The following RHBDD1 variants were observed in gnomAD, a reference collection of about 807,000 sequenced individuals.
RHBDD1 encodes rhomboid domain containing 1, also known as rhomboid-related protein 4.
Under a neutral mutation model 36.3 loss-of-function variants are expected in RHBDD1, and 38 were observed. The ratio of observed to expected loss-of-function variants is 1.05; its 90% confidence interval spans 0.81 to 1.37. RHBDD1 has a LOEUF of 1.37. Ranked by LOEUF, RHBDD1 falls within the 40% of genes most tolerant of loss-of-function variation. RHBDD1 has a pLI of 0.00. For synonymous variants in RHBDD1, 151 were observed against 136.5 expected (o/e 1.11, Z -0.74); for missense variants, 393 against 377.6 (o/e 1.04, Z -0.34).
At chr2:226,841,453 C>T (rs1941626322) in intron 3 of RHBDD1, among the ~76,000 whole-genome samples, 1 of 152,182 alleles carries the variant, frequency 6.6e-6, no homozygotes, top group Non-Finnish European at 1.5e-5. Flanking sequence ...TCCTCCCTGC[C>T]TACCACACCT....
chr2:226,835,900 C>A (rs1574708195), upstream of RHBDD1: 1 of 152,462 alleles, frequency 6.6e-6, no homozygotes. Flanking sequence ...CCACTGCCGG[C>A]GCACGCGGTC....
intron 8 of RHBDD1, among the ~76,000 whole-genome samples, chr2:226,924,603 C>G (rs1949548727): frequency 6.6e-6 from 1 of 152,168 alleles, no homozygotes; most frequent in Non-Finnish European, 1.5e-5. Context: ...AATTGCAGTT[C>G]TTGTGACTCA....
intron 5 of RHBDD1, among the ~76,000 whole-genome samples, chr2:226,877,211 T>C (rs1232155498): frequency 1.3e-5 from 2 of 152,254 alleles, no homozygotes; most frequent in Admixed American, 6.5e-5. Context: ...CATTAAAATC[T>C]GTTGATCTGT....
chr2:226,953,061 T>G (rs1028966811), intron 8 of RHBDD1, among the ~76,000 whole-genome samples: 1 of 152,214 alleles, frequency 6.6e-6, no homozygotes, highest in Non-Finnish European at 1.5e-5. Flanking sequence ...ATTGATGCAA[T>G]TAAGAAAATG....
chr2:226,934,863 CTT>C (rs59301546), intron 8 of RHBDD1, among the ~76,000 whole-genome samples: 2 of 148,900 alleles, frequency 1.3e-5, no homozygotes, highest in Non-Finnish European at 1.5e-5. Context: ...TTTTTCTTTT[CTT>C]TTTTTTTTTA....
chr2:226,814,251 C>T, the RHBDD1 span, among the ~76,000 whole-genome samples: 3 of 151,998 alleles, frequency 2.0e-5, no homozygotes, highest in South Asian at 2.1e-4. Context: ...ACACAACAGT[C>T]TTTCCAAGAA....
At chr2:226,898,451 A>G (rs941146765) in intron 5 of RHBDD1, among the ~76,000 whole-genome samples, 1 of 152,282 alleles carries the variant, frequency 6.6e-6, no homozygotes, top group Admixed American at 6.5e-5. Context: ...ATAAATCATC[A>G]TGGATTGTAG....
In RHBDD1 at chr2:226,908,829, T is replaced by G. The variant is rs752033284; in HGVS notation, c.663T>G (p.Phe221Leu). The G allele has an allele frequency of 1.2e-6, 2 of 1,606,030 alleles. No homozygotes were observed. Among genetic ancestry groups the G allele is most frequent in the Non-Finnish European group, 1.7e-6 (2 of 1,172,704 alleles). The change falls in exon 7 of 9, where the codon TTT becomes TTG. Residue 221 changes from phenylalanine (F) to leucine (L), a missense_variant. Coordinates refer to ENST00000392062, the MANE Select transcript of RHBDD1 (RefSeq NM_001167608.3). ...TATTTCTTTTACGTTTAGGCGGTTT[T>G]TCCTCCAGTGTTGGTTACCCAGGAC... ...KKIMEACAGG[F>L]SSSVGYPGRQ...
intron 1 of RHBDD1, among the ~76,000 whole-genome samples, chr2:226,836,668 C>T (rs1032862178): frequency 1.3e-5 from 2 of 152,208 alleles, no homozygotes; most frequent in African/African-American, 4.8e-5. Context: ...CTTTTGAAGA[C>T]TCAGCGTTAC....
intron 8 of RHBDD1, among the ~76,000 whole-genome samples, chr2:226,948,340 T>A (rs1486387368): frequency 1.4e-5 from 2 of 145,876 alleles, no homozygotes; most frequent in Non-Finnish European, 3.0e-5. Flanking sequence ...CACCGCATAT[T>A]CTCACTCATA....
intron 8 of RHBDD1, among the ~76,000 whole-genome samples, chr2:226,960,099 A>G (rs1458792248): frequency 6.6e-6 from 1 of 152,194 alleles, no homozygotes; most frequent in African/African-American, 2.4e-5. Flanking sequence ...CTGGGATTAC[A>G]GGCATGAGCC....
intron 8 of RHBDD1, among the ~76,000 whole-genome samples, chr2:226,937,174 T>C (rs1251873174): frequency 6.6e-6 from 1 of 152,160 alleles, no homozygotes; most frequent in East Asian, 1.9e-4. Context: ...CAAACTCTTG[T>C]GATTTTTATA....
At chr2:226,887,360 G>A (rs1946313248) in intron 5 of RHBDD1, among the ~76,000 whole-genome samples, 4 of 152,168 alleles carry the variant, frequency 2.6e-5, no homozygotes, top group South Asian at 2.1e-4. Flanking sequence ...CTTACCCAGA[G>A]AACATTCAAT....
At chr2:226,966,953 A>T (rs1952684020) in intron 8 of RHBDD1, among the ~76,000 whole-genome samples, 1 of 152,002 alleles carries the variant, frequency 6.6e-6, no homozygotes, top group Admixed American at 6.6e-5. Flanking sequence ...GTGTTTTAAT[A>T]AGCTCTGCAG....
chr2:226,873,672 C>T (rs1164092457), intron 5 of RHBDD1, among the ~76,000 whole-genome samples: 1 of 152,056 alleles, frequency 6.6e-6, no homozygotes, highest in Non-Finnish European at 1.5e-5. Context: ...GAGGTTTTGT[C>T]AAGTTTGAAA....
At chr2:226,867,096 T>C in intron 4 of RHBDD1, 90 bp from the exon 5 acceptor site, 1 of 1,280,712 alleles carries the variant, frequency 7.8e-7, no homozygotes, top group Non-Finnish European at 1.1e-6. Flanking sequence ...AATCGAATAA[T>C]CATTTTCACT....
At chr2:226,965,374 G>C (rs1283825304) in intron 8 of RHBDD1, among the ~76,000 whole-genome samples, 1 of 152,186 alleles carries the variant, frequency 6.6e-6, no homozygotes, top group African/African-American at 2.4e-5. Flanking sequence ...ATAAAGTTCT[G>C]TTGTTTTAAG....
chr2:226,839,731 A>C (rs72965972), intron 3 of RHBDD1, 104 bp downstream of exon 3: 2 of 150,800 alleles, frequency 1.3e-5, no homozygotes, highest in Admixed American at 6.6e-5. Flanking sequence ...ATTATTGAGA[A>C]AAAAAAAAAC....
At chr2:226,892,221 C>A (rs773406095) in intron 5 of RHBDD1, among the ~76,000 whole-genome samples, 1 of 152,192 alleles carries the variant, frequency 6.6e-6, no homozygotes, top group Non-Finnish European at 1.5e-5. Flanking sequence ...ACCAGTAAAG[C>A]TGCTACAGAG....
Sources: gnomAD v4.1 joint callset for allele counts (sites outside exome capture counted in the v4.1 genomes callset) on GRCh38, gnomAD v4.1.1 for gene constraint, MANE v1.5 for transcripts, NCBI Gene and HGNC (gene_info 2026-07-23, HGNC 2026-07-21) for gene names.